CSMD3: variants seen among roughly 807,000 people sequenced by gnomAD.
The protein encoded by CSMD3 is CUB and Sushi multiple domains 3.
Under a neutral mutation model 435.2 loss-of-function variants are expected in CSMD3, and 177 were observed. That is an observed-to-expected ratio of 0.41 (90% CI 0.36 to 0.46). The LOEUF is 0.46. CSMD3 is among the 20% of genes least tolerant of loss of function. The pLI is 0.34. For missense variants in CSMD3, 4,265 were observed against 4,504.6 expected (o/e 0.95, Z 1.52); for synonymous variants, 1,656 against 1,520.5 (o/e 1.09, Z -2.07).
intron 1 of CSMD3, among the ~76,000 whole-genome samples, chr8:113,414,819 T>A: frequency 6.6e-6 from 1 of 151,984 alleles, no homozygotes; most frequent in East Asian, 1.9e-4. Flanking sequence ...AACAAATAAT[T>A]AGCTGGGCGT....
chr8:112,785,668 A>G (rs2078518967), intron 13 of CSMD3, among the ~76,000 whole-genome samples: 1 of 152,080 alleles, frequency 6.6e-6, no homozygotes, highest in Non-Finnish European at 1.5e-5. Context: ...CAATTAAGAC[A>G]GTAATCCCAT....
chr8:112,546,339 T>C (rs1827178330), intron 27 of CSMD3, among the ~76,000 whole-genome samples: 1 of 152,138 alleles, frequency 6.6e-6, no homozygotes, highest in African/African-American at 2.4e-5. Context: ...AAAGTTTTGC[T>C]GGAGGGATAA....
intron 13 of CSMD3, among the ~76,000 whole-genome samples, chr8:112,766,986 A>G (rs1304755109): frequency 6.6e-6 from 1 of 151,844 alleles, no homozygotes; most frequent in African/African-American, 2.4e-5. Context: ...GACAAAGGGA[A>G]CTCAACAATA....
intron 44 of CSMD3, among the ~76,000 whole-genome samples, chr8:112,336,368 T>G (rs545631925): frequency 6.6e-6 from 1 of 152,346 alleles, no homozygotes; most frequent in African/African-American, 2.4e-5. Context: ...TTAAGTCTGT[T>G]AACTTCCTGT....
At chr8:112,361,568 CATACATATATATATATATATATAT>C in intron 38 of CSMD3, among the ~76,000 whole-genome samples, 2 of 35,596 alleles carry the variant, frequency 5.6e-5, no homozygotes, top group South Asian at 2.0e-3. Context: ...TATATATACA[CATACATATATATATATATATATAT>C]ATATATATAT....
At chr8:112,509,546 T>C (rs1822880709) in intron 28 of CSMD3, among the ~76,000 whole-genome samples, 2 of 152,222 alleles carry the variant, frequency 1.3e-5, no homozygotes, top group Admixed American at 1.3e-4. Flanking sequence ...TTGCTGCCTT[T>C]ATCTTTCTCT....
intron 2 of CSMD3, among the ~76,000 whole-genome samples, chr8:113,299,087 T>C (rs944028067): frequency 2.0e-5 from 3 of 152,304 alleles, no homozygotes; most frequent in East Asian, 3.9e-4. Flanking sequence ...TCAGTGCTGC[T>C]ATAAATATTA....
At chr8:112,450,768 G>A (rs1047679729) in intron 32 of CSMD3, among the ~76,000 whole-genome samples, 1 of 152,146 alleles carries the variant, frequency 6.6e-6, no homozygotes, top group African/African-American at 2.4e-5. Flanking sequence ...GGGATCAGTT[G>A]GAGTCAATAA....
chr8:112,547,330 A>G (rs796416913), intron 27 of CSMD3, among the ~76,000 whole-genome samples: 7 of 152,118 alleles, frequency 4.6e-5, no homozygotes, highest in African/African-American at 1.7e-4. Flanking sequence ...GCGCAAAGGC[A>G]CCATAATTAA....
intron 2 of CSMD3, among the ~76,000 whole-genome samples, chr8:113,295,566 G>A (rs2093714812): frequency 6.6e-6 from 1 of 152,146 alleles, no homozygotes; most frequent in Admixed American, 6.6e-5. Flanking sequence ...CCGATTTAGT[G>A]GATTGGAAAA....
chr8:112,379,508 G>A (rs1439283460), intron 38 of CSMD3, among the ~76,000 whole-genome samples: 1 of 151,978 alleles, frequency 6.6e-6, no homozygotes, highest in Non-Finnish European at 1.5e-5. Context: ...ACTAAATAGT[G>A]ACGAGAAAAG....
chr8:112,552,313 T>G (rs1827756267), intron 26 of CSMD3, among the ~76,000 whole-genome samples: 1 of 151,850 alleles, frequency 6.6e-6, no homozygotes. Context: ...TAGTGAGACC[T>G]CGTTTCTACA....
chr8:112,419,586 T>C (rs781433160), intron 32 of CSMD3, among the ~76,000 whole-genome samples: 5 of 152,162 alleles, frequency 3.3e-5, no homozygotes, highest in Non-Finnish European at 7.4e-5. Context: ...TGTCAACCCA[T>C]AAACTAGGTT....
intron 10 of CSMD3, among the ~76,000 whole-genome samples, chr8:112,912,172 T>C (rs907276376): frequency 6.6e-6 from 1 of 151,160 alleles, no homozygotes; most frequent in African/African-American, 2.4e-5. Flanking sequence ...GGATGACACT[T>C]AGGTTGATTA....
intron 5 of CSMD3, among the ~76,000 whole-genome samples, chr8:113,039,714 G>A (rs866879706): frequency 1.6e-4 from 25 of 152,108 alleles, no homozygotes; most frequent in Admixed American, 1.5e-3. Context: ...ATTGTATCAG[G>A]ACTATTTAAA....
intron 4 of CSMD3, among the ~76,000 whole-genome samples, chr8:113,131,825 G>C (rs2091291146): frequency 6.6e-6 from 1 of 152,196 alleles, no homozygotes. Flanking sequence ...GCTGTACCCT[G>C]AAGAGCCACA....
At chr8:112,765,750 T>A (rs1188104482) in intron 13 of CSMD3, among the ~76,000 whole-genome samples, 1 of 151,774 alleles carries the variant, frequency 6.6e-6, no homozygotes, top group African/African-American at 2.4e-5. Flanking sequence ...TCAAGCCAGC[T>A]CCTTTCTTTG....
chr8:112,694,351 A>G (rs1323471614), intron 13 of CSMD3, among the ~76,000 whole-genome samples: 1 of 152,122 alleles, frequency 6.6e-6, no homozygotes, highest in African/African-American at 2.4e-5. Flanking sequence ...ACATTTATTT[A>G]TATGTTTATT....
chr8:112,957,997 G>A (rs549840900), intron 7 of CSMD3, among the ~76,000 whole-genome samples: 1 of 151,980 alleles, frequency 6.6e-6, no homozygotes, highest in Non-Finnish European at 1.5e-5. Flanking sequence ...CACCTGCCCC[G>A]GCCTCCAAAA....
Sources: gnomAD v4.1 joint callset for allele counts (sites outside exome capture counted in the v4.1 genomes callset) on GRCh38, gnomAD v4.1.1 for gene constraint, MANE v1.5 for transcripts, NCBI Gene and HGNC (gene_info 2026-07-23, HGNC 2026-07-21) for gene names.